The following FOCAD variants were observed in gnomAD, a reference collection of about 807,000 sequenced individuals.
The protein encoded by FOCAD is KIAA1797.
FOCAD carries 198 observed loss-of-function variants against 225.6 expected under a neutral mutation model. The ratio of observed to expected loss-of-function variants is 0.88; its 90% CI spans 0.78 to 0.99. FOCAD has a LOEUF of 0.99. Ranked by LOEUF, FOCAD falls within the 50% of genes least tolerant of loss-of-function variation. FOCAD has a pLI of 0.00. For synonymous variants in FOCAD, 897 were observed against 755.0 expected, an observed-to-expected ratio of 1.19 and a Z score of -3.08; for missense variants, 2,713 against 2,123.6, an observed-to-expected ratio of 1.28 and a Z score of -5.46.
At chr9:20,745,494 T>C (rs1320913508) in intron 5 of FOCAD, among the ~76,000 whole-genome samples, 1 of 152,220 alleles carries the variant, frequency 6.6e-6, no homozygotes. Context: ...TCATGGGTTG[T>C]AAATTATTAG....
intron 4 of FOCAD, 60 bp from the exon 5 acceptor site, chr9:20,740,176 C>T (rs768716011): frequency 2.8e-6 from 3 of 1,063,074 alleles, no homozygotes; most frequent in African/African-American, 1.6e-5. Flanking sequence ...TAGGATTAAG[C>T]ACCTGATTAG....
chr9:20,823,006 C>T lies in FOCAD; in HGVS notation c.1811C>T (p.Ala604Val). 6.2e-7 allele frequency: 1 copy of T among 1,603,752 alleles called. No homozygotes were observed. The highest frequency in any genetic ancestry group is 1.1e-5 in the South Asian group (1 of 89,030). Residue 604 changes from alanine to valine, a missense_variant, in exon 15 of 44, where the codon GCA (alanine) becomes GTA (valine). Ala to Val is a moderately conservative substitution (Grantham distance 64, BLOSUM62 0). Coordinates refer to ENST00000338382, the MANE Select transcript of FOCAD (RefSeq NM_001375567.1). The part of the protein sequence containing the change: ...ICKQRPYQHG[A>V]DMLAAISQVL... ...TCTTGTAGGCCATATCAACATGGTG[C>T]AGATATGTTGGCAGCTATTTCTCAA...
intron 35 of FOCAD, among the ~76,000 whole-genome samples, chr9:20,959,420 G>A (rs892097611): frequency 1.3e-5 from 2 of 151,968 alleles, no homozygotes; most frequent in East Asian, 1.9e-4. Flanking sequence ...TGAGTTCCTT[G>A]CATATTCTGG....
intron 21 of FOCAD, among the ~76,000 whole-genome samples, chr9:20,889,934 CGTAA>C (rs1473530024): frequency 2.0e-5 from 3 of 151,938 alleles, no homozygotes; most frequent in Admixed American, 1.3e-4. Context: ...TGTTAAAGTT[CGTAA>C]GTATTACATA....
intron 11 of FOCAD, among the ~76,000 whole-genome samples, chr9:20,793,078 G>A (rs537752865): frequency 1.8e-4 from 27 of 152,146 alleles, no homozygotes; most frequent in Admixed American, 4.6e-4. Flanking sequence ...GAAGTCAGTC[G>A]GCTACCTGTA....
At chr9:20,712,235 A>G (rs1382702234) in intron 1 of FOCAD, among the ~76,000 whole-genome samples, 2 of 152,234 alleles carry the variant, frequency 1.3e-5, no homozygotes, top group African/African-American at 4.8e-5. Context: ...CTTCCTCACA[A>G]AACTTGGTTC....
At chr9:20,962,930 A>G (rs1414088170) in intron 35 of FOCAD, among the ~76,000 whole-genome samples, 1 of 152,192 alleles carries the variant, frequency 6.6e-6, no homozygotes, top group Non-Finnish European at 1.5e-5. Flanking sequence ...TTAGATGTGG[A>G]TTCTTTTATC....
chr9:20,820,826 GT>G, intron 13 of FOCAD, 114 bp from the exon 14 acceptor site: 1 of 1,137,498 alleles, frequency 8.8e-7, no homozygotes, highest in Non-Finnish European at 1.3e-6. Context: ...AAGAACGACA[GT>G]ATAATTTGCA....
chr9:20,863,139 T>G (rs1291665234), intron 16 of FOCAD: 1 of 153,032 alleles, frequency 6.5e-6, no homozygotes, highest in Non-Finnish European at 1.5e-5. Flanking sequence ...TGGTGGAAGA[T>G]TCTTTTTTGT....
intron 35 of FOCAD, among the ~76,000 whole-genome samples, chr9:20,969,089 G>T (rs892069874): frequency 1.3e-5 from 2 of 151,614 alleles, no homozygotes; most frequent in Non-Finnish European, 2.9e-5. Flanking sequence ...CAGTTTTTTT[G>T]GAAATCTGTT....
intron 11 of FOCAD, among the ~76,000 whole-genome samples, chr9:20,810,409 C>T (rs1822936121): frequency 6.6e-6 from 1 of 152,060 alleles, no homozygotes; most frequent in Non-Finnish European, 1.5e-5. Context: ...AGAAATTGCA[C>T]CTAATTATAC....
At chr9:20,831,671 A>G (rs1825506084) in intron 15 of FOCAD, among the ~76,000 whole-genome samples, 1 of 152,064 alleles carries the variant, frequency 6.6e-6, no homozygotes, top group East Asian at 1.9e-4. Context: ...GCTCACCTGT[A>G]TGTTTCTTTT....
intron 2 of FOCAD, among the ~76,000 whole-genome samples, chr9:20,674,688 T>C (rs575062500): frequency 6.6e-6 from 1 of 152,226 alleles, no homozygotes; most frequent in Admixed American, 6.5e-5. Flanking sequence ...CATGTGTTCT[T>C]TGAATGTCTG....
At chr9:20,943,047 G>A (rs765078478) in intron 28 of FOCAD, among the ~76,000 whole-genome samples, 33 of 152,168 alleles carry the variant, frequency 2.2e-4, no homozygotes, top group Non-Finnish European at 4.1e-4. Context: ...CTGTCAAATT[G>A]TTATATGCAT....
At chr9:20,783,381 C>T (rs1484886931) in intron 10 of FOCAD, among the ~76,000 whole-genome samples, 1 of 148,492 alleles carries the variant, frequency 6.7e-6, no homozygotes, top group Non-Finnish European at 1.5e-5. Flanking sequence ...TTACTGTTGG[C>T]TTTTTTTTTT....
At chr9:20,952,168 G>A (rs891341837) in intron 34 of FOCAD, among the ~76,000 whole-genome samples, 3 of 152,086 alleles carry the variant, frequency 2.0e-5, no homozygotes, top group African/African-American at 4.8e-5. Context: ...TTTATGGCAG[G>A]CTTTTATTTT....
In FOCAD at chr9:20,720,491, A is replaced by G; in HGVS notation, c.244A>G (p.Ser82Gly). ...ALVAQDHAEFSYVLNGILNLI... is the reference protein window; with the variant it reads ...ALVAQDHAEFGYVLNGILNLI... ...CGTTGCTCAGGATCATGCAGAGTTC[A>G]GCTATGTTCTCAATGGGATACTCAA... Residue 82 changes from serine (S) to glycine (G), a missense_variant, in exon 4 of 44, where the codon AGC becomes GGC. Ser to Gly is a moderately conservative substitution (Grantham distance 56, BLOSUM62 0). Coordinates refer to ENST00000338382, the MANE Select transcript of FOCAD (RefSeq NM_001375567.1). 2 of 1,614,096 alleles carry G rather than the reference A, an allele frequency of 1.2e-6. No individual in the cohort carries two copies. The highest frequency in any genetic ancestry group is 1.7e-6 in the Non-Finnish European group (2 of 1,179,980).
chr9:20,868,566 A>G (rs1829486258), intron 18 of FOCAD, among the ~76,000 whole-genome samples: 1 of 152,140 alleles, frequency 6.6e-6, no homozygotes. Flanking sequence ...AGCCATAAAT[A>G]GCTCTTTATA....
chr9:20,777,720 G>A (rs567122176), intron 8 of FOCAD, among the ~76,000 whole-genome samples: 1 of 152,034 alleles, frequency 6.6e-6, no homozygotes, highest in Non-Finnish European at 1.5e-5. Context: ...AATCATGTCT[G>A]TATTAGGTAA....
Sources: allele counts gnomAD v4.1 joint callset (sites outside exome capture counted in the v4.1 genomes callset), GRCh38; gene constraint gnomAD v4.1.1; transcripts MANE v1.5; gene names NCBI Gene and HGNC (gene_info 2026-07-23, HGNC 2026-07-21).